Variants in ACP6 observed in about 807,000 individuals in gnomAD.
ACP6 encodes acid phosphatase 6, lysophosphatidic, also known as lysophosphatidic acid phosphatase type 6.
A neutral mutation model predicts 48.1 loss-of-function variants in ACP6; 48 were observed. The ratio of observed to expected loss-of-function variants is 1.00; its 90% CI spans 0.79 to 1.27. The LOEUF (loss-of-function observed/expected upper bound fraction) is 1.27, where lower values mean the gene tolerates loss of function less well. Among genes scored for constraint, ACP6 ranks in the 50% most tolerant of loss-of-function variants. The pLI is 0.00. For synonymous variants in ACP6, 172 were observed against 204.2 expected (o/e 0.84, Z 1.34); for missense variants, 485 against 529.1 (o/e 0.92, Z 0.82).
At chr1:147,667,953 G>A (rs1201869619) in intron 1 of ACP6, among the ~76,000 whole-genome samples, 1 of 150,638 alleles carries the variant, frequency 6.6e-6, no homozygotes, top group Non-Finnish European at 1.5e-5. Flanking sequence ...TCGCGTCACT[G>A]CACTCCAGCC....
downstream of ACP6, among the ~76,000 whole-genome samples, chr1:147,641,099 C>A (rs587744767): frequency 1.3e-5 from 2 of 152,224 alleles, no homozygotes; most frequent in South Asian, 4.1e-4. Flanking sequence ...GCCCACCCCT[C>A]CCCCCACAGC....
intron 9 of ACP6, chr1:147,648,040 A>C: frequency 1.7e-6 from 1 of 598,032 alleles, no homozygotes; most frequent in Non-Finnish European, 2.9e-6. Flanking sequence ...AACTGGGATA[A>C]GGCTCAAGCC....
At chr1:147,636,166 A>G (rs6663082) in intron 5 of ACP6, among the ~76,000 whole-genome samples, 33,100 of 152,120 alleles carry the variant, frequency 0.22, 4,980 homozygotes, top group African/African-American at 0.42. Flanking sequence ...AAGGGTGTAA[A>G]TGTGAAAGAG....
At chr1:147,651,918 C>T (rs1460837064) in intron 7 of ACP6, 1 of 152,358 alleles carries the variant, frequency 6.6e-6, no homozygotes, top group Non-Finnish European at 1.5e-5. Context: ...AGAACCCTAA[C>T]TGCTAGTAAT....
At chr1:147,659,060 G>A (rs112983319) in intron 3 of ACP6, 21 bp from the exon 4 acceptor site, 10 of 1,592,548 alleles carry the variant, frequency 6.3e-6, no homozygotes, top group African/African-American at 1.4e-5. Flanking sequence ...TGAGAAAATA[G>A]TGACACTCAT....
chr1:147,630,578 C>G (rs1553207214), exon 6 of ACP6: 1 of 152,202 alleles, frequency 6.6e-6, no homozygotes, highest in African/African-American at 2.4e-5. Flanking sequence ...GAGACTCCTG[C>G]CCATCCCCAT....
chr1:147,648,126 G>A lies in ACP6; in HGVS notation c.1143+120C>T, dbSNP rs116116332. ...GGAGTTGCCCTATAGGATTCAGAGAGCTGACTGTGCCAAGAGAGACTCCAC... is the reference window on the plus strand; with the variant it reads ...GGAGTTGCCCTATAGGATTCAGAGAACTGACTGTGCCAAGAGAGACTCCAC... On this transcript the variant is annotated intron_variant, in intron 9 of 9. Coordinates refer to ENST00000583509, the MANE Select transcript of ACP6 (RefSeq NM_016361.5). The A allele has an allele frequency of 1.1e-3, 1,343 of 1,190,116 alleles. 12 individuals are homozygous for A. The African/African-American group carries it at 0.018, about 16-fold the overall frequency. The allele number at this position is 1,190,116 out of a possible 1,614,324, so 73.7% of individuals were successfully genotyped here. A position where few individuals can be genotyped will look rare whatever the true frequency, so the allele number is the denominator to read the frequency against.
At chr1:147,665,547 C>T (rs587609122) in intron 1 of ACP6, among the ~76,000 whole-genome samples, 1 of 152,318 alleles carries the variant, frequency 6.6e-6, no homozygotes, top group South Asian at 2.1e-4. Context: ...GAGACACCTC[C>T]TTTGTGTTCC....
In ACP6 at chr1:147,648,239, G is replaced by A; in HGVS notation, c.1143+7C>T. On this transcript the variant is annotated splice_region_variant and intron_variant, in intron 9 of 9. Transcript: ENST00000583509. ...ACCACCACCCAACCCCACCTCAGGG[G>A]TATTACCTTCCCGTGGTAATAGAGC... The A allele has an allele frequency of 1.2e-6, 2 of 1,614,046 alleles. No homozygotes were observed. The highest frequency in any genetic ancestry group is 1.7e-6 in the Non-Finnish European group (2 of 1,179,954).
intron 1 of ACP6, among the ~76,000 whole-genome samples, chr1:147,660,350 CA>C (rs1186558839): frequency 6.6e-6 from 1 of 152,178 alleles, no homozygotes; most frequent in African/African-American, 2.4e-5. Context: ...GTAATGATTT[CA>C]AAACATCACT....
chr1:147,661,818 G>A (rs1660561459), intron 1 of ACP6, among the ~76,000 whole-genome samples: 1 of 152,186 alleles, frequency 6.6e-6, no homozygotes, highest in Non-Finnish European at 1.5e-5. Flanking sequence ...ATAACATGGA[G>A]ATATTCAATG....
chr1:147,659,896 C>CA, intron 1 of ACP6, 121 bp from the exon 2 acceptor site: 1 of 1,205,888 alleles, frequency 8.3e-7, no homozygotes, highest in Non-Finnish European at 1.1e-6. Context: ...TGCAACCTTC[C>CA]TATGGGATGG....
Position 147,666,688 on chromosome 1 carries a change from C to T in ACP6, c.219+3142G>A, listed in dbSNP as rs140919070. Among the ~76,000 whole-genome samples, 600 of 152,224 alleles carry T rather than the reference C, an allele frequency of 3.9e-3. 3 individuals are homozygous for T. Among genetic ancestry groups the T allele is most frequent in the Admixed American group, 8.0e-3 (123 of 15,292 alleles). ...GAGAGTCTTTTACATTATCTGGATA[C>T]CCCGGACCAATTAAATTAGAATCCT... On this transcript the variant is annotated intron_variant, in intron 1 of 9. Coordinates refer to ENST00000583509, the MANE Select transcript of ACP6 (RefSeq NM_016361.5).
rs1553211371 is a variant in ACP6 at position 147,655,152 on chromosome 1, G to A, written c.647+9C>T. ...CCCAACTGGTGAGCAAGAACCCAGG[G>A]GCAGTTACCTGGTTCTCTGCCTCAG... On this transcript the variant is annotated intron_variant, in intron 5 of 9. Coordinates refer to ENST00000583509, the MANE Select transcript of ACP6 (RefSeq NM_016361.5). 4 of 1,594,604 alleles carry A rather than the reference G, an allele frequency of 2.5e-6. No individual in the cohort carries two copies. The highest frequency in any genetic ancestry group is 3.4e-6 in the Non-Finnish European group (4 of 1,169,198).
At chr1:147,668,241 A>G (rs973316213) in intron 1 of ACP6, among the ~76,000 whole-genome samples, 4 of 152,320 alleles carry the variant, frequency 2.6e-5, no homozygotes, top group South Asian at 2.1e-4. Flanking sequence ...TTGCAAAGTC[A>G]GGCCATGGAT....
At position 147,645,487 on chromosome 1, in the gene ACP6, G is replaced by A. The variant is rs201918180; in HGVS notation, c.*1936C>T. ...AGCCCTGGGACACCCCAACACTTAC[G>A]GATTAGAAAAAGGTAGATTCAGCAG... On this transcript the variant is annotated 3_prime_UTR_variant, in exon 10 of 10. Transcript: ENST00000583509. 3 of 152,276 alleles carry A rather than the reference G, an allele frequency of 2.0e-5. No homozygotes were observed. The highest frequency in any genetic ancestry group is 1.3e-4 in the Admixed American group (2 of 15,294). The allele number at this position is 152,276 out of a possible 1,614,324, so 9.4% of individuals were successfully genotyped here.
intron 1 of ACP6, among the ~76,000 whole-genome samples, chr1:147,662,975 C>T (rs1422330937): frequency 6.6e-6 from 1 of 152,198 alleles, no homozygotes; most frequent in African/African-American, 2.4e-5. Context: ...AGGCAAGACC[C>T]TCCACTGGCA....
At chr1:147,655,085 GTA>G in intron 5 of ACP6, 74 bp downstream of exon 5, 3 of 1,247,544 alleles carry the variant, frequency 2.4e-6, no homozygotes, top group Non-Finnish European at 3.4e-6. Context: ...CAGGCCCTCA[GTA>G]TAGACAGAGT....
downstream of ACP6, among the ~76,000 whole-genome samples, chr1:147,641,496 T>C (rs2148899336): frequency 6.6e-6 from 1 of 152,272 alleles, no homozygotes; most frequent in South Asian, 2.1e-4. Flanking sequence ...GAGCCGCAGA[T>C]GAAGTCGGCC....
Sources: allele counts gnomAD v4.1 joint callset (sites outside exome capture counted in the v4.1 genomes callset), GRCh38; gene constraint gnomAD v4.1.1; transcripts MANE v1.5; gene names NCBI Gene and HGNC (gene_info 2026-07-23, HGNC 2026-07-21).